MED12: variants seen among roughly 807,000 people sequenced by gnomAD.
MED12 encodes mediator of RNA polymerase II transcription subunit 12.
MED12 carries 10 observed loss-of-function variants against 177.7 expected under a neutral mutation model. The ratio of observed to expected loss-of-function variants is 0.06; its 90% CI spans 0.03 to 0.10. The LOEUF is 0.10. Among genes scored for constraint, MED12 ranks in the 10% least tolerant of loss-of-function variants. The pLI, the probability that MED12 is intolerant of heterozygous loss-of-function variation, is 1.00. For synonymous variants in MED12, 641 were observed against 678.4 expected, an observed-to-expected ratio of 0.94 and a Z score of 0.86; for missense variants, 867 against 1,780.8, an observed-to-expected ratio of 0.49 and a Z score of 9.23.
intron 11 of MED12, 128 bp from the exon 12 acceptor site, chrX:71,123,466 G>A (rs1365242902): frequency 8.2e-6 from 7 of 854,729 alleles, no homozygotes; most frequent in African/African-American, 8.0e-5. Context: ...AGAACATGGA[G>A]GTCAGCAGGG....
rs2147785506 is a variant in MED12 at position 71,122,877 on chromosome X, A to G, written c.1485+3A>G. On this transcript the variant is annotated splice_donor_region_variant and intron_variant, in intron 10 of 44. Transcript: ENST00000374080. The stretch of plus-strand genomic sequence containing the variant: ...GACCTAGCAAGGATGGGCATGAGGT[A>G]AGCGAAAAGGGGAATAGAAGGAGCA... The G allele has an allele frequency of 2.5e-6, 3 of 1,210,942 alleles. No individual in the cohort carries two copies. In the East Asian group the frequency reaches 8.9e-5, roughly 36 times the overall value.
In MED12 at chrX:71,129,747, G is replaced by C. The variant is rs1350628654; in HGVS notation, c.3759G>C (p.Glu1253Asp). ...GAACAGAAGAACTTCCAGAGGAGGA[G>C]GGAGGAGGTGGCAGTGGTGGTCGGA... ...TGGTEELPEE[E>D]GGGGSGGRRQ... The change falls in exon 27 of 45, where the codon GAG becomes GAC. Residue 1253 changes from glutamate to aspartate, a missense_variant. By Grantham distance (45) the Glu-to-Asp change is conservative. Transcript: ENST00000374080. The C allele has an allele frequency of 8.3e-7, 1 of 1,206,487 alleles. No individual in the cohort carries two copies. The highest frequency in any genetic ancestry group is 3.0e-5 in the East Asian group (1 of 33,620).
rs1161767198 is a variant in MED12 at position 71,124,211 on chromosome X, G to C, written c.1797G>C (p.Leu599=). The C allele has an allele frequency of 8.3e-7, 1 of 1,211,513 alleles. No homozygotes were observed. The highest frequency in any genetic ancestry group is 2.2e-5 in the Admixed American group (1 of 46,022). The stretch of plus-strand genomic sequence containing the variant: ...TGGAATTCTTTAACTTAGTACTGCT[G>C]TTCTGTGAACTGATTCGACATGATG... The part of the protein sequence containing the change: ...ERVEFFNLVL[L]FCELIRHDVF... Residue 599 remains leucine, a synonymous_variant, in exon 13 of 45, where the codon CTG becomes CTC. Transcript: ENST00000374080.
Position 71,140,738 on chromosome X carries a change from G to GAGC in MED12, c.6165_6167dup (p.Gln2076dup), listed in dbSNP as rs769857818. On this transcript the variant is annotated inframe_insertion, in exon 42 of 45. Coordinates refer to ENST00000374080, the MANE Select transcript of MED12 (RefSeq NM_005120.3). ...CGTCCGTTCAACAGCCATCCTACCTGAGCAGCAGCAGCAGCAGCAACAGCA... is the reference window on the plus strand; with the variant it reads ...CGTCCGTTCAACAGCCATCCTACCTGAGCAGCAGCAGCAGCAGCAGCAACAGCA... 1.5e-5 allele frequency: 18 copies of GAGC among 1,206,193 alleles called. No homozygotes were observed. The highest frequency in any genetic ancestry group is 2.3e-4 in the Middle Eastern group (1 of 4,357).
chrX:71,142,057 G>A, intron 44 of MED12, 93 bp downstream of exon 44: 3 of 1,107,310 alleles, frequency 2.7e-6, no homozygotes, highest in Non-Finnish European at 3.7e-6. Flanking sequence ...TTCAGGCCCA[G>A]GTTATGAGAG....
chrX:71,134,942 T>G, intron 35 of MED12, 94 bp downstream of exon 35: 1 of 1,166,729 alleles, frequency 8.6e-7, no homozygotes, highest in Non-Finnish European at 1.2e-6. Flanking sequence ...CTACCTTTCC[T>G]TCTCACGTCT....
chrX:71,125,583 G>A, intron 16 of MED12, 80 bp from the exon 17 acceptor site: 1 of 1,177,015 alleles, frequency 8.5e-7, no homozygotes, highest in Non-Finnish European at 1.2e-6. Context: ...CCCCAGTCAT[G>A]TCCCAATGTC....
chrX:71,127,198 G>A, intron 20 of MED12, 66 bp downstream of exon 20: 1 of 1,155,688 alleles, frequency 8.7e-7, no homozygotes, highest in Non-Finnish European at 1.2e-6. Context: ...GGCCTGGGAA[G>A]AGCATGCACT....
rs1174792640 is a variant in MED12 at position 71,134,385 on chromosome X, G to A, written c.4646G>A (p.Arg1549His). Residue 1549 changes from arginine to histidine, a missense_variant, in exon 34 of 45, where the codon CGC becomes CAC. By Grantham distance (29) the Arg-to-His change is conservative (BLOSUM62 0). Transcript: ENST00000374080. ...LVGGMFDTVQ[R>H]STQQTTEWAM... Reference sequence around the variant, plus strand: ...GGGGGCATGTTTGACACGGTGCAGCGCAGCACCCAGCAGACCACGGAGTGG... The same window carrying A: ...GGGGGCATGTTTGACACGGTGCAGCACAGCACCCAGCAGACCACGGAGTGG... The A allele has an allele frequency of 2.6e-6, 3 of 1,163,908 alleles. No homozygotes were observed. Among genetic ancestry groups the A allele is most frequent in the African/African-American group, 1.8e-5 (1 of 56,159 alleles).
At chrX:71,121,257 C>T in intron 5 of MED12, 70 bp from the exon 6 acceptor site, 4 of 929,015 alleles carry the variant, frequency 4.3e-6, no homozygotes, top group South Asian at 3.8e-5. Context: ...TTGTGGTTCT[C>T]TTCATCTTTT....
At chrX:71,135,298 T>C (rs1471101552) in intron 36 of MED12, 45 bp downstream of exon 36, 1 of 1,201,144 alleles carries the variant, frequency 8.3e-7, no homozygotes, top group Admixed American at 2.2e-5. Flanking sequence ...TTTTCCCCTT[T>C]GGGCAAGAAC....
intron 42 of MED12, 54 bp downstream of exon 42, chrX:71,140,911 A>C: frequency 8.3e-7 from 1 of 1,198,054 alleles, no homozygotes; most frequent in Non-Finnish European, 1.1e-6. Flanking sequence ...GAAGAGAGGC[A>C]CAAGTTCTTC....
chrX:71,119,599 A>G (rs1326727000), intron 2 of MED12, 87 bp from the exon 3 acceptor site: 1 of 1,111,836 alleles, frequency 9.0e-7, no homozygotes, highest in African/African-American at 1.8e-5. Flanking sequence ...ATGACCTAAT[A>G]CTATCTCATT....
intron 24 of MED12, 158 bp downstream of exon 24, chrX:71,128,876 C>G: frequency 1.4e-6 from 1 of 718,175 alleles, no homozygotes; most frequent in Non-Finnish European, 2.1e-6. Context: ...CTAGAAGAAA[C>G]CTGTTTTTTA....
intron 17 of MED12, 88 bp from the exon 18 acceptor site, chrX:71,125,948 A>G (rs1488013002): frequency 3.3e-5 from 8 of 240,961 alleles, no homozygotes; most frequent in Non-Finnish European, 5.8e-5. Flanking sequence ...CCTCCCTCCC[A>G]TAGCCTTCTC....
intron 36 of MED12, 120 bp downstream of exon 36, chrX:71,135,373 C>T (rs746926652): frequency 1.5e-4 from 114 of 785,699 alleles, no homozygotes; most frequent in African/African-American, 2.1e-4. Flanking sequence ...CAGTCTCTGC[C>T]GGTGAACACC....
At chrX:71,124,913 G>GT (rs200836484) in intron 14 of MED12, 63 bp from the exon 15 acceptor site, 24 of 1,188,771 alleles carry the variant, frequency 2.0e-5, no homozygotes, top group Middle Eastern at 4.6e-4. Flanking sequence ...CTTTTGGCAT[G>GT]TTTTTTTGCC....
Position 71,126,128 on chromosome X carries a change from T to C in MED12, c.2515T>C (p.Tyr839His). Residue 839 changes from tyrosine (Y) to histidine (H), a missense_variant, in exon 18 of 45, where the codon TAT becomes CAT. Tyr to His is a moderately conservative substitution (Grantham distance 83, BLOSUM62 2). Coordinates refer to ENST00000374080, the MANE Select transcript of MED12 (RefSeq NM_005120.3). ...TGCTAAGTTCCAGCACCTTTCACAT[T>C]ATGACCAACACCAGGTCACGGCTCA... ...IFAKFQHLSH[Y>H]DQHQVTAQVS... is the part of the protein sequence containing the mutation. 8.3e-7 allele frequency: 1 copy of C among 1,208,976 alleles called. No homozygotes were observed. The highest frequency in any genetic ancestry group is 1.1e-6 in the Non-Finnish European group (1 of 892,893).
chrX:71,121,246 G>T lies in MED12; in HGVS notation c.736-81G>T, dbSNP rs1156376010. On this transcript the variant is annotated intron_variant, in intron 5 of 44. Coordinates refer to ENST00000374080, the MANE Select transcript of MED12 (RefSeq NM_005120.3). The stretch of plus-strand genomic sequence containing the variant: ...AGAATCTGCCTGCCACCTTGCCCCA[G>T]TTGTGGTTCTCTTCATCTTTTCATT... 4 of 1,143,875 alleles carry T rather than the reference G, an allele frequency of 3.5e-6. No individual in the cohort carries two copies. The East Asian group carries it at 1.2e-4, about 34-fold the overall frequency. 94.3% of individuals were successfully genotyped at this position (1,143,875 alleles called of 1,213,427 possible).
Sources: gnomAD v4.1 joint callset for allele counts on GRCh38, gnomAD v4.1.1 for gene constraint, MANE v1.5 for transcripts, NCBI Gene and HGNC (gene_info 2026-07-23, HGNC 2026-07-21) for gene names.